ERC1: variants seen among roughly 807,000 people sequenced by gnomAD.
ERC1 encodes ELKS/RAB6-interacting/CAST family member 1, also known as RAB6 interacting protein 2.
ERC1 carries 56 observed loss-of-function variants against 132.0 expected under a neutral mutation model. That is an observed-to-expected ratio of 0.42 (90% CI 0.34 to 0.53). The LOEUF is 0.53. Among genes scored for constraint, ERC1 ranks in the 20% least tolerant of loss-of-function variants. The pLI is 0.03. For missense variants in ERC1, 1,202 were observed against 1,349.9 expected, an observed-to-expected ratio of 0.89 and a Z score of 1.72; for synonymous variants, 478 against 476.1, an observed-to-expected ratio of 1.00 and a Z score of -0.05.
intron 15 of ERC1, among the ~76,000 whole-genome samples, chr12:1,329,755 A>C (rs1323078015): frequency 6.6e-6 from 1 of 152,230 alleles, no homozygotes; most frequent in African/African-American, 2.4e-5. Flanking sequence ...ATTATGAATT[A>C]GGGTTATGTC....
chr12:995,185 G>T (rs1005720061), intron 1 of ERC1, among the ~76,000 whole-genome samples: 4 of 151,820 alleles, frequency 2.6e-5, no homozygotes, highest in African/African-American at 9.7e-5. Flanking sequence ...TGAACCTAGG[G>T]GTTCGAGGTT....
chr12:1,168,117 ATTTG>A (rs1952627520), intron 8 of ERC1, among the ~76,000 whole-genome samples: 1 of 151,846 alleles, frequency 6.6e-6, no homozygotes, highest in African/African-American at 2.4e-5. Flanking sequence ...TACACAGCAA[ATTTG>A]GTATTTTTAT....
chr12:1,426,933 CTG>C (rs2092659037), intron 17 of ERC1, among the ~76,000 whole-genome samples: 1 of 152,204 alleles, frequency 6.6e-6, no homozygotes, highest in African/African-American at 2.4e-5. Flanking sequence ...TTCAAAACAG[CTG>C]TGTCTGCCCT....
intron 1 of ERC1, among the ~76,000 whole-genome samples, chr12:1,006,319 G>A (rs538500218): frequency 2.6e-5 from 4 of 152,194 alleles, no homozygotes; most frequent in South Asian, 2.1e-4. Context: ...TTGCAGCCTC[G>A]AATTCTTAGG....
chr12:1,042,162 C>T (rs1212852440), intron 2 of ERC1, among the ~76,000 whole-genome samples: 2 of 151,746 alleles, frequency 1.3e-5, no homozygotes, highest in African/African-American at 2.4e-5. Flanking sequence ...CTCAGCCTCC[C>T]GAGTAGCTGG....
chr12:1,028,025 G>T lies in ERC1; in HGVS notation c.122G>T (p.Ser41Ile). 6.2e-7 allele frequency: 1 copy of T among 1,614,188 alleles called. No individual in the cohort carries two copies. Among genetic ancestry groups the T allele is most frequent in the African/African-American group, 1.3e-5 (1 of 75,058 alleles). ...CGTCGAACCAACAGTACGGGAGGGAGTTCGGGAAGCAGTGTTGGAGGTGGC... is the reference window on the plus strand; with the variant it reads ...CGTCGAACCAACAGTACGGGAGGGATTTCGGGAAGCAGTGTTGGAGGTGGC... ...GHRRTNSTGG[S>I]SGSSVGGGSG... The change falls in exon 2 of 19, where the codon AGT (serine) becomes ATT (isoleucine). Residue 41 changes from serine (S) to isoleucine (I), a missense_variant. Ser to Ile is a moderately radical substitution (Grantham distance 142). Transcript: ENST00000360905.
Position 1,164,268 on chromosome 12 carries a change from G to T in ERC1, c.1738-16272G>T, listed in dbSNP as rs962116498. 9.3e-3 allele frequency among the ~76,000 whole-genome samples: 626 copies of T among 67,042 alleles called. 5 individuals are homozygous for T. The highest frequency in any genetic ancestry group is 0.048 in the African/African-American group (593 of 12,470). 44.0% of individuals were successfully genotyped at this position (67,042 alleles called of 152,430 possible). A position where few individuals can be genotyped will look rare whatever the true frequency, so the allele number is the denominator to read the frequency against. ...TTTATTTTATTTTATTTTATTTTAT[G>T]TTGTTATTTTATGTTATTTTATTTT... On this transcript the variant is annotated intron_variant, in intron 8 of 18. Transcript: ENST00000360905.
At chr12:1,027,219 C>T (rs1252001770) in intron 1 of ERC1, among the ~76,000 whole-genome samples, 1 of 152,126 alleles carries the variant, frequency 6.6e-6, no homozygotes, top group East Asian at 1.9e-4. Context: ...CTGATGTATA[C>T]ATTGATACTT....
intron 18 of ERC1, among the ~76,000 whole-genome samples, chr12:1,460,978 T>A (rs2093633247): frequency 6.9e-6 from 1 of 143,970 alleles, no homozygotes; most frequent in Non-Finnish European, 1.5e-5. Context: ...TTTTTTTTTT[T>A]TTTCATTTTT....
intron 1 of ERC1, among the ~76,000 whole-genome samples, chr12:1,024,018 C>T (rs1285041427): frequency 6.6e-6 from 1 of 152,044 alleles, no homozygotes. Flanking sequence ...TGAGATAGTT[C>T]CTGTTTGATT....
At chr12:1,029,223 G>T (rs1967516987) in intron 2 of ERC1, among the ~76,000 whole-genome samples, 1 of 152,062 alleles carries the variant, frequency 6.6e-6, no homozygotes, top group African/African-American at 2.4e-5. Flanking sequence ...GTGATGGCGT[G>T]TGCCTGTAAT....
chr12:1,209,789 A>C (rs1276590267), intron 12 of ERC1, among the ~76,000 whole-genome samples: 1 of 152,218 alleles, frequency 6.6e-6, no homozygotes, highest in Admixed American at 6.5e-5. Context: ...GATTTTAGTG[A>C]GTTAACGTTT....
At chr12:1,184,880 A>C (rs1954896016) in intron 11 of ERC1, among the ~76,000 whole-genome samples, 1 of 151,958 alleles carries the variant, frequency 6.6e-6, no homozygotes, top group South Asian at 2.1e-4. Context: ...ATCCTCTTGA[A>C]GAGCTGGGAC....
At chr12:1,394,726 G>A (rs769594855) in intron 16 of ERC1, among the ~76,000 whole-genome samples, 15 of 152,088 alleles carry the variant, frequency 9.9e-5, no homozygotes, top group African/African-American at 1.4e-4. Flanking sequence ...TTCACCTTCC[G>A]CCATGATTGT....
At chr12:1,097,875 C>T (rs1194771374) in intron 3 of ERC1, among the ~76,000 whole-genome samples, 1 of 151,928 alleles carries the variant, frequency 6.6e-6, no homozygotes. Flanking sequence ...CCACCATGCT[C>T]AGCTACTTTT....
At chr12:1,417,704 G>A (rs754125847) in intron 17 of ERC1, among the ~76,000 whole-genome samples, 11 of 149,954 alleles carry the variant, frequency 7.3e-5, no homozygotes, top group South Asian at 2.1e-4. Context: ...TCACTTTAAC[G>A]CAGGAGACAA....
At chr12:1,395,312 T>TA (rs2090435936) in intron 16 of ERC1, among the ~76,000 whole-genome samples, 1 of 152,250 alleles carries the variant, frequency 6.6e-6, no homozygotes. Flanking sequence ...ATCTGACTGT[T>TA]ACTTTTTCAC....
intron 15 of ERC1, among the ~76,000 whole-genome samples, chr12:1,304,257 G>A (rs2080657848): frequency 6.6e-6 from 1 of 152,210 alleles, no homozygotes; most frequent in Non-Finnish European, 1.5e-5. Flanking sequence ...GCATTGAACT[G>A]TTGATTTTTG....
intron 3 of ERC1, among the ~76,000 whole-genome samples, chr12:1,093,957 C>CTATATATATA (rs202076174): frequency 0.047 from 3,255 of 68,750 alleles, 271 homozygotes; most frequent in Middle Eastern, 0.092. Context: ...ATATATTTTT[C>CTATATATATA]TATATATATA....
Sources: allele counts gnomAD v4.1 joint callset (sites outside exome capture counted in the v4.1 genomes callset), GRCh38; gene constraint gnomAD v4.1.1; transcripts MANE v1.5; gene names NCBI Gene and HGNC (gene_info 2026-07-23, HGNC 2026-07-21).